Variants in SDC2 observed in about 807,000 individuals in gnomAD.
SDC2 encodes syndecan 2.
In SDC2, 13 loss-of-function variants were observed where a neutral mutation model predicts 22.2. The observed-to-expected ratio is 0.59, with a 90% CI of 0.38 to 0.93. The LOEUF (loss-of-function observed/expected upper bound fraction) is 0.93. Ranked by LOEUF, SDC2 falls within the 40% of genes least tolerant of loss-of-function variation. The probability of loss-of-function intolerance (pLI) is 0.00; values close to 1 mark genes in which losing one functional copy is unlikely to be tolerated. For missense variants in SDC2, 235 were observed against 246.8 expected (o/e 0.95, Z 0.32); for synonymous variants, 94 against 92.8 (o/e 1.01, Z -0.07).
chr8:96,501,550 C>T (rs979246548), intron 1 of SDC2, among the ~76,000 whole-genome samples: 7 of 151,996 alleles, frequency 4.6e-5, no homozygotes, highest in Admixed American at 6.6e-5. Context: ...TCAACTGATC[C>T]GCCTGCCTCA....
chr8:96,537,313 C>T (rs989840211), intron 1 of SDC2: 1 of 151,982 alleles, frequency 6.6e-6, no homozygotes, highest in Admixed American at 6.6e-5. Flanking sequence ...AGGAAAAAAA[C>T]CCCACTCTGA....
At chr8:96,542,305 A>G (rs919296342) in intron 1 of SDC2, among the ~76,000 whole-genome samples, 3 of 152,294 alleles carry the variant, frequency 2.0e-5, no homozygotes, top group Admixed American at 2.0e-4. Context: ...CCCATTTTAT[A>G]GCCCACATCA....
rs142808484 is a variant in SDC2 at position 96,543,921 on chromosome 8, C to A, written c.61-49559C>A. Among the ~76,000 whole-genome samples, 671 of 152,218 alleles carry A rather than the reference C, an allele frequency of 4.4e-3. 5 individuals carry two copies. The highest frequency in any genetic ancestry group is 0.015 in the African/African-American group (640 of 41,526). On this transcript the variant is annotated intron_variant, in intron 1 of 4. Coordinates refer to ENST00000302190, the MANE Select transcript of SDC2 (RefSeq NM_002998.4). ...CAGTTTTAGAAATGACTATTTATGT[C>A]ATTGGATCAGCAAACAATTTTACAG...
chr8:96,494,478 G>A (rs907358269), intron 1 of SDC2, 147 bp downstream of exon 1: 2 of 712,780 alleles, frequency 2.8e-6, no homozygotes, highest in African/African-American at 1.8e-5. Context: ...GCGCTCGTCC[G>A]GTCACCCTTT....
chr8:96,494,348 G>C lies in SDC2; in HGVS notation c.60+17G>C. 1 of 1,538,342 alleles carries C rather than the reference G, an allele frequency of 6.5e-7. No individual in the cohort carries two copies. The highest frequency in any genetic ancestry group is 1.2e-5 in the South Asian group (1 of 83,756). ...GCGGAGTCGGTGAGTGGGCCAGGCG[G>C]AGGATGCGCGCGCCGTTTAGGGTGT... On this transcript the variant is annotated intron_variant, in intron 1 of 4. Coordinates refer to ENST00000302190, the MANE Select transcript of SDC2 (RefSeq NM_002998.4).
At chr8:96,503,652 T>C (rs994640627) in intron 1 of SDC2, among the ~76,000 whole-genome samples, 1 of 152,216 alleles carries the variant, frequency 6.6e-6, no homozygotes, top group Non-Finnish European at 1.5e-5. Flanking sequence ...AATGTTACCA[T>C]TGGCGGAAAC....
In SDC2 at chr8:96,521,473, G is replaced by A. The variant is rs1813496558; in HGVS notation, c.60+27142G>A. ...ATGAACTCTTTTGTTCAACCATGGC[G>A]ATGTCTGGATCAGGGCAGCCTTGGA... On this transcript the variant is annotated intron_variant, in intron 1 of 4. Transcript: ENST00000302190. Among the ~76,000 whole-genome samples the A allele has an allele frequency of 3.3e-5, 5 of 152,296 alleles. 1 individual carries two copies. In the South Asian group the frequency reaches 1.0e-3, roughly 32 times the overall value.
At chr8:96,546,240 C>T (rs1036615706) in intron 1 of SDC2, among the ~76,000 whole-genome samples, 1 of 152,124 alleles carries the variant, frequency 6.6e-6, no homozygotes, top group Admixed American at 6.6e-5. Flanking sequence ...AATCTATGAA[C>T]CCTGGATGTA....
intron 1 of SDC2, among the ~76,000 whole-genome samples, chr8:96,505,695 A>G (rs1167652835): frequency 6.6e-6 from 1 of 152,244 alleles, no homozygotes; most frequent in Non-Finnish European, 1.5e-5. Context: ...CGCTTAAATA[A>G]GAATGGTGTT....
chr8:96,507,690 G>A (rs114714751), intron 1 of SDC2, among the ~76,000 whole-genome samples: 1,637 of 152,308 alleles, frequency 0.011, 28 homozygotes, highest in African/African-American at 0.033. Flanking sequence ...TTTTCTGGGG[G>A]AAAGAAGGCT....
intron 1 of SDC2, among the ~76,000 whole-genome samples, chr8:96,541,047 A>G (rs1416784152): frequency 1.7e-5 from 2 of 119,578 alleles, no homozygotes; most frequent in Non-Finnish European, 3.5e-5. Flanking sequence ...AAGTATAGTT[A>G]TTTAATTGAT....
At chr8:96,529,447 C>T (rs566945653) in intron 1 of SDC2, among the ~76,000 whole-genome samples, 1 of 152,320 alleles carries the variant, frequency 6.6e-6, no homozygotes, top group East Asian at 1.9e-4. Context: ...AAATCCCAAC[C>T]TGTACCCATT....
intron 1 of SDC2, among the ~76,000 whole-genome samples, chr8:96,575,561 G>T (rs1814474023): frequency 6.6e-6 from 1 of 152,130 alleles, no homozygotes; most frequent in Non-Finnish European, 1.5e-5. Context: ...AATAATTTAT[G>T]TATTCATGCC....
chr8:96,513,035 C>A (rs1428838004), intron 1 of SDC2, among the ~76,000 whole-genome samples: 1 of 152,062 alleles, frequency 6.6e-6, no homozygotes, highest in African/African-American at 2.4e-5. Flanking sequence ...TTATTCATTA[C>A]ACAAAGGATT....
intron 1 of SDC2, among the ~76,000 whole-genome samples, chr8:96,501,869 C>T (rs879710151): frequency 6.6e-6 from 1 of 151,836 alleles, no homozygotes. Context: ...ATTATTAATC[C>T]CCTGTCAAAT....
intron 1 of SDC2, among the ~76,000 whole-genome samples, chr8:96,545,232 T>G (rs780074158): frequency 2.0e-4 from 31 of 152,216 alleles, no homozygotes; most frequent in Non-Finnish European, 3.1e-4. Context: ...GGATAAGACT[T>G]TTGATAGTTT....
At chr8:96,566,700 A>T (rs1449357593) in intron 1 of SDC2, among the ~76,000 whole-genome samples, 2 of 150,448 alleles carry the variant, frequency 1.3e-5, no homozygotes, top group Admixed American at 6.6e-5. Flanking sequence ...TATTTATTTT[A>T]TTATTATTAA....
At chr8:96,502,286 C>G (rs939137339) in intron 1 of SDC2, among the ~76,000 whole-genome samples, 1 of 152,100 alleles carries the variant, frequency 6.6e-6, no homozygotes, top group Non-Finnish European at 1.5e-5. Flanking sequence ...TAGGGGAAAC[C>G]GCCCCCATGT....
At chr8:96,502,603 G>T (rs144510582) in intron 1 of SDC2, among the ~76,000 whole-genome samples, 3,444 of 152,186 alleles carry the variant, frequency 0.023, 78 homozygotes, top group Middle Eastern at 0.15. Context: ...GGTGCCTTCC[G>T]TTTGGTCCCT....
Sources: allele counts gnomAD v4.1 joint callset (sites outside exome capture counted in the v4.1 genomes callset), GRCh38; gene constraint gnomAD v4.1.1; transcripts MANE v1.5; gene names NCBI Gene and HGNC (gene_info 2026-07-23, HGNC 2026-07-21).